The following ZNF536 variants were observed in gnomAD, a reference collection of about 807,000 sequenced individuals.
ZNF536 encodes the protein zinc finger protein 536.
Under a neutral mutation model 84.5 loss-of-function variants are expected in ZNF536, and 13 were observed. The ratio of observed to expected loss-of-function variants is 0.15; its 90% CI spans 0.10 to 0.24. ZNF536 has a LOEUF of 0.24. Among genes scored for constraint, ZNF536 ranks in the 10% least tolerant of loss-of-function variants. The pLI, the probability that ZNF536 is intolerant of heterozygous loss-of-function variation, is 1.00. For missense variants in ZNF536, 1,536 were observed against 1,747.5 expected (o/e 0.88, Z 2.16); for synonymous variants, 811 against 742.5 (o/e 1.09, Z -1.50).
At chr19:30,562,266 A>AT (rs2046197518), downstream of ZNF536, among the ~76,000 whole-genome samples, 1 of 152,062 alleles carries the variant, frequency 6.6e-6, no homozygotes, top group African/African-American at 2.4e-5. Flanking sequence ...TGGAGTCCCC[A>AT]TACCAGTAGG....
At chr19:30,694,758 G>T (rs1021730318) in intron 1 of ZNF536, among the ~76,000 whole-genome samples, 1 of 152,162 alleles carries the variant, frequency 6.6e-6, no homozygotes, top group Admixed American at 6.5e-5. Context: ...ATGCATTTAT[G>T]TCTACAGCAG....
chr19:30,692,104 C>T (rs1328952620), intron 1 of ZNF536, among the ~76,000 whole-genome samples: 2 of 152,230 alleles, frequency 1.3e-5, no homozygotes, highest in Non-Finnish European at 2.9e-5. Context: ...GACGAACTTG[C>T]TCCTCTTTTC....
chr19:30,314,324 G>A (rs2046608212), intron 2 of ZNF536, among the ~76,000 whole-genome samples: 1 of 152,060 alleles, frequency 6.6e-6, no homozygotes, highest in Non-Finnish European at 1.5e-5. Flanking sequence ...GTGTAGACAG[G>A]GCTCCTGCAG....
At chr19:30,551,058 C>CT (rs1377839484) in intron 4 of ZNF536, among the ~76,000 whole-genome samples, 4 of 148,056 alleles carry the variant, frequency 2.7e-5, no homozygotes, top group African/African-American at 7.5e-5. Context: ...ATGTTGAAGG[C>CT]TTTTTTTTCT....
intron 2 of ZNF536, among the ~76,000 whole-genome samples, chr19:30,324,180 C>A (rs1438802210): frequency 6.6e-6 from 1 of 152,000 alleles, no homozygotes; most frequent in East Asian, 1.9e-4. Context: ...CATCATCATC[C>A]ATTATCTATT....
intron 1 of ZNF536, among the ~76,000 whole-genome samples, chr19:30,661,705 C>G (rs974605388): frequency 2.0e-5 from 3 of 152,096 alleles, no homozygotes; most frequent in Non-Finnish European, 4.4e-5. Flanking sequence ...AGGGGTGAAG[C>G]TAAATTAGGC....
At chr19:30,440,279 G>A (rs1034092523) in intron 1 of ZNF536, among the ~76,000 whole-genome samples, 3 of 151,974 alleles carry the variant, frequency 2.0e-5, no homozygotes, top group Admixed American at 6.6e-5. Context: ...CTTTCTCTTG[G>A]TGGTTTCTGA....
At chr19:30,255,484 C>A (rs546864397) in intron 1 of ZNF536, among the ~76,000 whole-genome samples, 47 of 152,200 alleles carry the variant, frequency 3.1e-4, no homozygotes, top group African/African-American at 1.1e-3. Flanking sequence ...CCACAAGTGT[C>A]CCTCAATTTG....
At chr19:30,358,520 A>C (rs912184381) in intron 3 of ZNF536, among the ~76,000 whole-genome samples, 1 of 152,214 alleles carries the variant, frequency 6.6e-6, no homozygotes, top group Non-Finnish European at 1.5e-5. Flanking sequence ...GTGGTTAGCA[A>C]TCACTGTTGT....
At chr19:30,622,019 T>A (rs1043894326) in intron 1 of ZNF536, among the ~76,000 whole-genome samples, 1 of 152,240 alleles carries the variant, frequency 6.6e-6, no homozygotes. Flanking sequence ...TGCACTTAAA[T>A]GGAAACCTTT....
intron 2 of ZNF536, among the ~76,000 whole-genome samples, chr19:30,340,357 C>T (rs912328729): frequency 6.6e-6 from 1 of 152,120 alleles, no homozygotes; most frequent in Non-Finnish European, 1.5e-5. Flanking sequence ...AGTCGGGTCC[C>T]GGAGGGGAGA....
intron 2 of ZNF536, among the ~76,000 whole-genome samples, chr19:30,301,151 C>A (rs767371540): frequency 6.6e-6 from 1 of 152,156 alleles, no homozygotes; most frequent in Non-Finnish European, 1.5e-5. Context: ...TGGCTGTGGA[C>A]GTTTTCATAG....
chr19:30,549,692 T>C (rs1251694892), intron 4 of ZNF536, among the ~76,000 whole-genome samples, 178 bp downstream of exon 4: 1 of 152,226 alleles, frequency 6.6e-6, no homozygotes, highest in African/African-American at 2.4e-5. Flanking sequence ...GTTTAGAAGT[T>C]TTAGAACTCA....
chr19:30,594,621 C>T (rs528890737), intron 1 of ZNF536, among the ~76,000 whole-genome samples: 15 of 152,288 alleles, frequency 9.8e-5, no homozygotes, highest in Admixed American at 5.9e-4. Context: ...AGGACACCCC[C>T]GTGGAGCCTG....
chr19:30,549,775 G>A (rs562600745), intron 4 of ZNF536, among the ~76,000 whole-genome samples: 8 of 152,238 alleles, frequency 5.3e-5, no homozygotes, highest in East Asian at 3.9e-4. Context: ...GGGGGTGGTC[G>A]CTCACCATGT....
chr19:30,430,931 C>A (rs2051429990), intron 1 of ZNF536, among the ~76,000 whole-genome samples: 1 of 152,230 alleles, frequency 6.6e-6, no homozygotes, highest in African/African-American at 2.4e-5. Context: ...CTGCCTTGGC[C>A]TCCCAAAGAG....
chr19:30,426,657 A>G (rs1286936334), intron 1 of ZNF536, among the ~76,000 whole-genome samples: 2 of 152,180 alleles, frequency 1.3e-5, no homozygotes, highest in East Asian at 3.9e-4. Flanking sequence ...CCTGGGTTGC[A>G]GGAGCCTGGG....
At chr19:30,633,732 T>G (rs1057334164) in intron 1 of ZNF536, among the ~76,000 whole-genome samples, 1 of 152,090 alleles carries the variant, frequency 6.6e-6, no homozygotes, top group African/African-American at 2.4e-5. Context: ...ATTTTTAAAT[T>G]TTTTAAATTT....
At chr19:30,617,403 T>C (rs1883823675) in intron 1 of ZNF536, among the ~76,000 whole-genome samples, 1 of 132,760 alleles carries the variant, frequency 7.5e-6, no homozygotes, top group South Asian at 2.6e-4. Flanking sequence ...CAGGCTGGAG[T>C]GCAGTGGTGC....
Sources: allele counts gnomAD v4.1 joint callset (sites outside exome capture counted in the v4.1 genomes callset), GRCh38; gene constraint gnomAD v4.1.1; transcripts MANE v1.5; gene names NCBI Gene and HGNC (gene_info 2026-07-23, HGNC 2026-07-21).